Variants in AGBL4 observed in about 807,000 individuals in gnomAD.
AGBL4 encodes cytosolic carboxypeptidase 6.
In AGBL4, 58 loss-of-function variants were observed where a neutral mutation model predicts 66.4. The observed-to-expected ratio is 0.87, with a 90% CI of 0.71 to 1.09. The LOEUF (loss-of-function observed/expected upper bound fraction) is 1.09, where lower values mean the gene tolerates loss of function less well. Ranked by LOEUF, AGBL4 falls within the 50% of genes least tolerant of loss-of-function variation. AGBL4 has a pLI of 0.00. For missense variants in AGBL4, 579 were observed against 631.0 expected, an observed-to-expected ratio of 0.92 and a Z score of 0.88; for synonymous variants, 234 against 222.9, an observed-to-expected ratio of 1.05 and a Z score of -0.44.
chr1:49,363,924 C>T (rs1890288), intron 3 of AGBL4, among the ~76,000 whole-genome samples: 77,647 of 152,012 alleles, frequency 0.51, 21,071 homozygotes, highest in Non-Finnish European at 0.61. Flanking sequence ...TTAACTGTAG[C>T]GATGGTTGGG....
chr1:49,335,023 C>A (rs1306800182), intron 3 of AGBL4, among the ~76,000 whole-genome samples: 1 of 152,202 alleles, frequency 6.6e-6, no homozygotes, highest in East Asian at 1.9e-4. Flanking sequence ...CACACAGACA[C>A]TGGTTTCCAG....
chr1:49,251,622 T>A (rs548291287), intron 3 of AGBL4, among the ~76,000 whole-genome samples: 1 of 152,254 alleles, frequency 6.6e-6, no homozygotes, highest in Admixed American at 6.5e-5. Context: ...TTCACAAACT[T>A]CATTGCCTTG....
chr1:49,897,774 A>T (rs1649368878), intron 1 of AGBL4, among the ~76,000 whole-genome samples: 1 of 152,058 alleles, frequency 6.6e-6, no homozygotes, highest in African/African-American at 2.4e-5. Flanking sequence ...AGCATAAAAC[A>T]TAGAAAAATG....
At chr1:48,688,605 C>T (rs1646571346) in intron 6 of AGBL4, among the ~76,000 whole-genome samples, 1 of 152,136 alleles carries the variant, frequency 6.6e-6, no homozygotes, top group Admixed American at 6.6e-5. Flanking sequence ...AGCCTCGTTC[C>T]CTTTGCTTAC....
At chr1:49,075,777 G>A (rs1644697666) in intron 4 of AGBL4, among the ~76,000 whole-genome samples, 1 of 152,142 alleles carries the variant, frequency 6.6e-6, no homozygotes, top group South Asian at 2.1e-4. Flanking sequence ...CAATAAAATA[G>A]AAAAGTACTT....
intron 3 of AGBL4, among the ~76,000 whole-genome samples, chr1:49,631,382 C>A (rs997662529): frequency 1.3e-5 from 2 of 152,068 alleles, no homozygotes; most frequent in African/African-American, 4.8e-5. Context: ...TTTGATTGAC[C>A]TCAGTTTCTC....
At chr1:49,788,899 A>AG (rs1644524584) in intron 2 of AGBL4, among the ~76,000 whole-genome samples, 1 of 152,208 alleles carries the variant, frequency 6.6e-6, no homozygotes, top group Non-Finnish European at 1.5e-5. Flanking sequence ...GTGGTGAGAG[A>AG]GGGCATCCTT....
intron 3 of AGBL4, among the ~76,000 whole-genome samples, chr1:49,308,135 C>T (rs984874965): frequency 7.2e-5 from 11 of 152,136 alleles, no homozygotes; most frequent in African/African-American, 2.7e-4. Flanking sequence ...GAGGCCTCCC[C>T]AGAAGCAGAT....
intron 4 of AGBL4, among the ~76,000 whole-genome samples, chr1:49,131,807 T>C (rs979854680): frequency 1.3e-5 from 2 of 152,110 alleles, no homozygotes; most frequent in African/African-American, 4.8e-5. Context: ...TAGGTGAGTG[T>C]TGATGACATC....
chr1:48,881,878 C>T (rs1030808105), intron 5 of AGBL4, among the ~76,000 whole-genome samples: 8 of 152,154 alleles, frequency 5.3e-5, no homozygotes, highest in African/African-American at 9.7e-5. Context: ...CTCTTCTCAC[C>T]CTCAGAGAAA....
In AGBL4 at chr1:48,567,939, T is replaced by C. The variant is rs552964266; in HGVS notation, c.1267+19065A>G. ...AGGCCTTGTGAGGCTGTGCAAGGGA[T>C]GAGGGACCTGTACGTTGGTACAGCA... is the stretch of plus-strand genomic sequence containing the variant. On this transcript the variant is annotated intron_variant, in intron 11 of 13. Coordinates refer to ENST00000371839, the MANE Select transcript of AGBL4 (RefSeq NM_032785.4). Among the ~76,000 whole-genome samples the C allele has an allele frequency of 3.9e-5, 6 of 152,124 alleles. No homozygotes were observed. In the East Asian group the frequency reaches 9.6e-4, roughly 24 times the overall value.
chr1:49,469,230 G>T (rs1358483841), intron 3 of AGBL4, among the ~76,000 whole-genome samples: 1 of 151,716 alleles, frequency 6.6e-6, no homozygotes, highest in Non-Finnish European at 1.5e-5. Context: ...CCTATGAAAT[G>T]TTTTGTCATG....
chr1:49,297,763 AT>A (rs1644669807), intron 3 of AGBL4, among the ~76,000 whole-genome samples: 2 of 152,118 alleles, frequency 1.3e-5, no homozygotes, highest in East Asian at 3.9e-4. Context: ...CTGGCATCCA[AT>A]TAGATGACAG....
chr1:49,769,469 A>G (rs1383059459), intron 2 of AGBL4, among the ~76,000 whole-genome samples: 1 of 152,198 alleles, frequency 6.6e-6, no homozygotes, highest in Non-Finnish European at 1.5e-5. Flanking sequence ...AAAGTACTCT[A>G]AAATTCATAT....
chr1:49,844,754 C>A, intron 2 of AGBL4: 2 of 1,593,550 alleles, frequency 1.3e-6, no homozygotes, highest in Non-Finnish European at 1.7e-6. Flanking sequence ...GAAGAAATAT[C>A]CAACAATGTC....
chr1:49,760,306 G>A (rs909953605), intron 2 of AGBL4, among the ~76,000 whole-genome samples: 102 of 152,138 alleles, frequency 6.7e-4, no homozygotes, highest in African/African-American at 2.4e-3. Flanking sequence ...TTAATTAGAT[G>A]CCATTTGTAA....
intron 6 of AGBL4, among the ~76,000 whole-genome samples, chr1:48,828,092 A>C (rs1294886011): frequency 6.7e-6 from 1 of 149,948 alleles, no homozygotes; most frequent in East Asian, 2.0e-4. Flanking sequence ...GCTACTTGGG[A>C]GGCTGAGGCA....
chr1:49,940,316 A>G (rs530190206), intron 1 of AGBL4, among the ~76,000 whole-genome samples: 96 of 152,316 alleles, frequency 6.3e-4, no homozygotes, highest in African/African-American at 2.1e-3. Flanking sequence ...ATCTAGAACT[A>G]GAAATACCAT....
chr1:48,565,256 T>G (rs975384688), intron 11 of AGBL4, among the ~76,000 whole-genome samples: 1 of 152,048 alleles, frequency 6.6e-6, no homozygotes, highest in African/African-American at 2.4e-5. Context: ...GGGTTAACTC[T>G]GGGGGTCTGA....
Sources: allele counts gnomAD v4.1 joint callset (sites outside exome capture counted in the v4.1 genomes callset), GRCh38; gene constraint gnomAD v4.1.1; transcripts MANE v1.5; gene names NCBI Gene and HGNC (gene_info 2026-07-23, HGNC 2026-07-21).